The following AGPAT5 variants were observed in gnomAD, a reference collection of about 807,000 sequenced individuals.
AGPAT5 encodes 1-acylglycerol-3-phosphate O-acyltransferase 5.
Under a neutral mutation model 45.6 loss-of-function variants are expected in AGPAT5, and 46 were observed. The observed-to-expected ratio is 1.01, with a 90% CI of 0.80 to 1.29. The LOEUF (loss-of-function observed/expected upper bound fraction) is 1.29. Ranked by LOEUF, AGPAT5 falls within the 50% of genes most tolerant of loss-of-function variation. The probability of loss-of-function intolerance (pLI) is 0.00; values close to 1 mark genes in which losing one functional copy is unlikely to be tolerated. For synonymous variants in AGPAT5, 272 were observed against 167.0 expected, an observed-to-expected ratio of 1.63 and a Z score of -4.85; for missense variants, 673 against 450.7, an observed-to-expected ratio of 1.49 and a Z score of -4.47.
At chr8:6,737,955 G>T in intron 4 of AGPAT5, among the ~76,000 whole-genome samples, 1 of 152,170 alleles carries the variant, frequency 6.6e-6, no homozygotes, top group East Asian at 1.9e-4. Flanking sequence ...GGGAGTTAGG[G>T]CCTTGCTCTG....
intron 1 of AGPAT5, among the ~76,000 whole-genome samples, chr8:6,715,222 C>T (rs570410396): frequency 2.0e-5 from 3 of 152,210 alleles, no homozygotes; most frequent in East Asian, 3.9e-4. Context: ...GGTTGTTTAG[C>T]CTGGTGGGTG....
rs117604773 is a variant in AGPAT5, at chr8:6,725,694, C to G, written c.289+755C>G. On this transcript the variant is annotated intron_variant, in intron 2 of 7. Coordinates refer to ENST00000285518, the MANE Select transcript of AGPAT5 (RefSeq NM_018361.5). ...AAAAAAATCCCACTTCTTATGTTTTCAAACCTGTAGCTACTTTTGATGCGT... is the reference window on the plus strand; with the variant it reads ...AAAAAAATCCCACTTCTTATGTTTTGAAACCTGTAGCTACTTTTGATGCGT... Among the ~76,000 whole-genome samples, 560 of 152,268 alleles carry G rather than the reference C, an allele frequency of 3.7e-3. 3 individuals are homozygous for G. The highest frequency in any genetic ancestry group is 0.019 in the South Asian group (90 of 4,822).
At position 6,759,590 on chromosome 8, in the gene AGPAT5, A is replaced by G. The variant is rs1664554412; in HGVS notation, c.*2202A>G. Reference sequence around the variant, plus strand: ...CTTTATAAGAATGCCGTCGATGTGCATGCTTTTATGTTTTTCAGAAAAGGG... The same window carrying G: ...CTTTATAAGAATGCCGTCGATGTGCGTGCTTTTATGTTTTTCAGAAAAGGG... On this transcript the variant is annotated 3_prime_UTR_variant, in exon 8 of 8. Coordinates refer to ENST00000285518, the MANE Select transcript of AGPAT5 (RefSeq NM_018361.5). The G allele has an allele frequency of 6.6e-6, 1 of 152,150 alleles. No homozygotes were observed. Among genetic ancestry groups the G allele is most frequent in the South Asian group, 2.1e-4 (1 of 4,826 alleles). The allele number at this position is 152,150 out of a possible 1,614,324, so 9.4% of individuals were successfully genotyped here.
rs1330800058 is a variant in AGPAT5 at position 6,716,416 on chromosome 8, C to T, written c.219+7529C>T. ...TCTACCAAAAAAATACAAACACTTA[C>T]TGGGCATGGTGGTGTGTGCCTGTAG... On this transcript the variant is annotated intron_variant, in intron 1 of 7. Coordinates refer to ENST00000285518, the MANE Select transcript of AGPAT5 (RefSeq NM_018361.5). Among the ~76,000 whole-genome samples the T allele has an allele frequency of 2.6e-5, 4 of 152,032 alleles. No homozygotes were observed. In the South Asian group the frequency reaches 6.2e-4, roughly 24 times the overall value.
chr8:6,725,057 A>C (rs1265162118), intron 2 of AGPAT5, 118 bp downstream of exon 2: 1 of 336,220 alleles, frequency 3.0e-6, no homozygotes, highest in South Asian at 1.5e-4. Context: ...TTCTGTGCAG[A>C]TATTACACCT....
chr8:6,747,674 T>C lies in AGPAT5; in HGVS notation c.591T>C (p.Leu197=), dbSNP rs756995100. 8.1e-6 allele frequency: 13 copies of C among 1,613,014 alleles called. No homozygotes were observed. The highest frequency in any genetic ancestry group is 1.1e-5 in the Non-Finnish European group (13 of 1,179,190). The change falls in exon 6 of 8, where the codon CTT becomes CTC. Residue 197 remains leucine, a synonymous_variant. Transcript: ENST00000285518. ...ASQAFAAQRG[L]AVLKHVLTPR... ...CGGCACTGAATTGACTTCTAGGCCTTGCAGTATTAAAACATGTGCTAACAC... is the reference window on the plus strand; with the variant it reads ...CGGCACTGAATTGACTTCTAGGCCTCGCAGTATTAAAACATGTGCTAACAC...
At chr8:6,713,843 T>G (rs1257033898) in intron 1 of AGPAT5, among the ~76,000 whole-genome samples, 1 of 152,230 alleles carries the variant, frequency 6.6e-6, no homozygotes, top group Admixed American at 6.5e-5. Context: ...TGATTCATAC[T>G]CTTAACTGAA....
rs1259231840 is a variant in AGPAT5, at chr8:6,759,052, A to G, written c.*1664A>G. On this transcript the variant is annotated 3_prime_UTR_variant, in exon 8 of 8. Coordinates refer to ENST00000285518, the MANE Select transcript of AGPAT5 (RefSeq NM_018361.5). ...AATTGGTTTGTGTACATTAGAATGT[A>G]TGCACACATCCATGGACACTCAGGA... 6.6e-6 allele frequency: 1 copy of G among 152,256 alleles called. No homozygotes were observed. Among genetic ancestry groups the G allele is most frequent in the African/African-American group, 2.4e-5 (1 of 41,470 alleles). 9.4% of individuals were successfully genotyped at this position (152,256 alleles called of 1,614,324 possible). A position where few individuals can be genotyped will look rare whatever the true frequency, so the allele number is the denominator to read the frequency against.
intron 4 of AGPAT5, among the ~76,000 whole-genome samples, chr8:6,739,300 A>G (rs1801158841): frequency 6.6e-6 from 1 of 152,170 alleles, no homozygotes; most frequent in Non-Finnish European, 1.5e-5. Context: ...TGTGAATTAT[A>G]GAATTAGCTC....
intron 6 of AGPAT5, among the ~76,000 whole-genome samples, chr8:6,754,547 G>A (rs989481442): frequency 1.3e-5 from 2 of 152,174 alleles, no homozygotes; most frequent in African/African-American, 2.4e-5. Flanking sequence ...GTGCCCAGCT[G>A]TGTGCCAGGT....
At position 6,716,011 on chromosome 8, in the gene AGPAT5, C is replaced by A. The variant is rs116427858; in HGVS notation, c.219+7124C>A. On this transcript the variant is annotated intron_variant, in intron 1 of 7. Coordinates refer to ENST00000285518, the MANE Select transcript of AGPAT5 (RefSeq NM_018361.5). ...TGGTTTCATTCTAGTCTAGCTTTTC[C>A]TTCTGGGCCGCCCCTCCCCACATTA... is the stretch of plus-strand genomic sequence containing the variant. Among the ~76,000 whole-genome samples the A allele has an allele frequency of 2.7e-3, 418 of 152,246 alleles. 2 individuals are homozygous for A. The highest frequency in any genetic ancestry group is 9.6e-3 in the African/African-American group (400 of 41,550).
intron 1 of AGPAT5, among the ~76,000 whole-genome samples, chr8:6,714,617 C>T (rs1800260738): frequency 6.6e-6 from 1 of 152,124 alleles, no homozygotes; most frequent in South Asian, 2.1e-4. Flanking sequence ...TTAAAGTTTC[C>T]CCTACTCCTA....
rs181759293 is a variant in AGPAT5, at chr8:6,724,078, C to T, written c.220-792C>T. ...AATTTATTCTAAAATATGTAAGACA[C>T]ACAAAACAGCAGAAGGACTAATACA... On this transcript the variant is annotated intron_variant, in intron 1 of 7. Coordinates refer to ENST00000285518, the MANE Select transcript of AGPAT5 (RefSeq NM_018361.5). 6.5e-3 allele frequency among the ~76,000 whole-genome samples: 991 copies of T among 152,286 alleles called. 7 individuals are homozygous for T. Among genetic ancestry groups the T allele is most frequent in the Non-Finnish European group, 9.9e-3 (673 of 68,022 alleles).
At chr8:6,756,374 C>G (rs1399839956) in intron 7 of AGPAT5, among the ~76,000 whole-genome samples, 1 of 152,070 alleles carries the variant, frequency 6.6e-6, no homozygotes, top group South Asian at 2.1e-4. Context: ...TGCATGTAAT[C>G]CCAGCACTTT....
At chr8:6,752,998 G>A (rs139624431) in intron 6 of AGPAT5, among the ~76,000 whole-genome samples, 5 of 152,236 alleles carry the variant, frequency 3.3e-5, no homozygotes, top group South Asian at 4.2e-4. Context: ...GGCCTTGGTC[G>A]TCTCTGAGAC....
intron 4 of AGPAT5, 82 bp downstream of exon 4, chr8:6,732,732 T>G (rs1349945976): frequency 2.4e-6 from 3 of 1,225,292 alleles, no homozygotes; most frequent in Non-Finnish European, 3.4e-6. Context: ...AAGAATTGTT[T>G]TGACAATGTA....
chr8:6,711,523 G>A (rs576782954), intron 1 of AGPAT5, among the ~76,000 whole-genome samples: 16 of 152,102 alleles, frequency 1.1e-4, no homozygotes, highest in South Asian at 8.3e-4. Context: ...TATATTTCAC[G>A]TAATTTGAGA....
At chr8:6,729,861 C>G (rs766760619) in intron 2 of AGPAT5, among the ~76,000 whole-genome samples, 1 of 152,164 alleles carries the variant, frequency 6.6e-6, no homozygotes, top group African/African-American at 2.4e-5. Context: ...TATTAGCAGT[C>G]TGAGATCATT....
intron 2 of AGPAT5, among the ~76,000 whole-genome samples, chr8:6,729,743 T>C (rs1405943575): frequency 6.6e-6 from 1 of 152,252 alleles, no homozygotes; most frequent in Non-Finnish European, 1.5e-5. Flanking sequence ...TTTTGAAAGC[T>C]CAACTAACAA....
Sources: gnomAD v4.1 joint callset for allele counts (sites outside exome capture counted in the v4.1 genomes callset) on GRCh38, gnomAD v4.1.1 for gene constraint, MANE v1.5 for transcripts, NCBI Gene and HGNC (gene_info 2026-07-23, HGNC 2026-07-21) for gene names.